Variants in NHLRC2 observed in about 807,000 individuals in gnomAD.
NHLRC2 encodes the protein NHL repeat containing 2, also known as NHL repeat-containing protein 2.
NHLRC2 carries 33 observed loss-of-function variants against 68.1 expected under a neutral mutation model. That is an observed-to-expected ratio of 0.48 (90% CI 0.37 to 0.65). The LOEUF is 0.65. NHLRC2 is among the 30% of genes least tolerant of loss of function. The pLI is 0.00. For synonymous variants in NHLRC2, 311 were observed against 309.6 expected (o/e 1.00, Z -0.05); for missense variants, 761 against 853.8 (o/e 0.89, Z 1.35).
chr10:113,864,314 A>G (rs76894988), intron 2 of NHLRC2, among the ~76,000 whole-genome samples: 2,926 of 152,248 alleles, frequency 0.019, 89 homozygotes, highest in African/African-American at 0.066. Flanking sequence ...GAGGATGGCA[A>G]TGGTCGCACA....
At chr10:113,881,256 T>G (rs750401743) in intron 4 of NHLRC2, among the ~76,000 whole-genome samples, 1 of 151,808 alleles carries the variant, frequency 6.6e-6, no homozygotes, top group Non-Finnish European at 1.5e-5. Flanking sequence ...TTTCTCTTGC[T>G]TTACAACTTA....
Position 113,908,737 on chromosome 10 carries a change from T to G in NHLRC2, c.*201T>G. The G allele has an allele frequency of 1.7e-6, 1 of 581,016 alleles. No individual in the cohort carries two copies. Among genetic ancestry groups the G allele is most frequent in the Non-Finnish European group, 3.0e-6 (1 of 328,966 alleles). 36.0% of individuals were successfully genotyped at this position (581,016 alleles called of 1,614,324 possible). A position where few individuals can be genotyped will look rare whatever the true frequency, so the allele number is the denominator to read the frequency against. Reference sequence around the variant, plus strand: ...AAACAAATTCCTTTGCTTTGGCTGATACTAGCTGAGTCATTGATCATCATT... The same window carrying G: ...AAACAAATTCCTTTGCTTTGGCTGAGACTAGCTGAGTCATTGATCATCATT... On this transcript the variant is annotated 3_prime_UTR_variant, in exon 11 of 11. Transcript: ENST00000369301.
Position 113,909,849 on chromosome 10 carries a change from G to A in NHLRC2, c.*1313G>A, listed in dbSNP as rs906150743. On this transcript the variant is annotated 3_prime_UTR_variant, in exon 11 of 11. Transcript: ENST00000369301. ...TCAGTAAATATTTATAGACAATATG[G>A]CATAATATGCTTCCCTTCCCTGTAA... 3 of 152,090 alleles carry A rather than the reference G, an allele frequency of 2.0e-5. No individual in the cohort carries two copies. Among genetic ancestry groups the A allele is most frequent in the Non-Finnish European group, 4.4e-5 (3 of 68,006 alleles). 9.4% of individuals were successfully genotyped at this position (152,090 alleles called of 1,614,324 possible).
At chr10:113,865,897 G>A (rs941992039) in intron 2 of NHLRC2, among the ~76,000 whole-genome samples, 3 of 152,040 alleles carry the variant, frequency 2.0e-5, no homozygotes, top group Non-Finnish European at 2.9e-5. Flanking sequence ...TTGCTTTTTT[G>A]TAGTTAAATA....
rs891548108 is a variant in NHLRC2, at chr10:113,911,616, A to T, written c.*3080A>T. Reference sequence around the variant, plus strand: ...AGTTACTCTTTGCTTGTTTTTCTGTAGTTGGAAAATTTAGGAAGTTATTAA... The same window carrying T: ...AGTTACTCTTTGCTTGTTTTTCTGTTGTTGGAAAATTTAGGAAGTTATTAA... On this transcript the variant is annotated 3_prime_UTR_variant, in exon 11 of 11. Transcript: ENST00000369301. 1 of 152,062 alleles carries T rather than the reference A, an allele frequency of 6.6e-6. No individual in the cohort carries two copies. The highest frequency in any genetic ancestry group is 2.4e-5 in the African/African-American group (1 of 41,432). 9.4% of individuals were successfully genotyped at this position (152,062 alleles called of 1,614,324 possible). A position where few individuals can be genotyped will look rare whatever the true frequency, so the allele number is the denominator to read the frequency against.
At position 113,876,741 on chromosome 10, in the gene NHLRC2, A is replaced by G; in HGVS notation, c.552A>G (p.Lys184=). Residue 184 remains lysine, a synonymous_variant, in exon 3 of 11, where the codon AAA becomes AAG. Coordinates refer to ENST00000369301, the MANE Select transcript of NHLRC2 (RefSeq NM_198514.4). ...TTTCTTTGATTGGAGAGGGACACAA[A>G]GATAAATTATTTTTATATACTTCAA... is the stretch of plus-strand genomic sequence containing the variant. ...MLFSLIGEGH[K]DKLFLYTSIA... 6.2e-7 allele frequency: 1 copy of G among 1,613,062 alleles called. No homozygotes were observed. Among genetic ancestry groups the G allele is most frequent in the Non-Finnish European group, 8.5e-7 (1 of 1,179,112 alleles).
rs1011420153 is a variant in NHLRC2 at position 113,908,597 on chromosome 10, G to T, written c.*61G>T. ...ACTGTCTCCCATCCTGACTATCACT[G>T]TAATTTAAGGAAAGAAAACTTCAGT... On this transcript the variant is annotated 3_prime_UTR_variant, in exon 11 of 11. Coordinates refer to ENST00000369301, the MANE Select transcript of NHLRC2 (RefSeq NM_198514.4). 1.3e-6 allele frequency: 2 copies of T among 1,558,702 alleles called. No individual in the cohort carries two copies. Among genetic ancestry groups the T allele is most frequent in the Non-Finnish European group, 8.8e-7 (1 of 1,138,360 alleles).
intron 5 of NHLRC2, among the ~76,000 whole-genome samples, chr10:113,897,711 C>T (rs1357769332): frequency 1.3e-5 from 2 of 152,164 alleles, no homozygotes; most frequent in African/African-American, 4.8e-5. Context: ...GGTGATTAAG[C>T]AGAGACAGTC....
Position 113,912,823 on chromosome 10 carries a change from G to C in NHLRC2, c.*4287G>C, listed in dbSNP as rs1846342036. On this transcript the variant is annotated 3_prime_UTR_variant, in exon 11 of 11. Transcript: ENST00000369301. Reference sequence around the variant, plus strand: ...CCTGAAGTGGTGCCTGGCGCCAGCAGATGTTCACTTCTGTCAAACAAGGGG... The same window carrying C: ...CCTGAAGTGGTGCCTGGCGCCAGCACATGTTCACTTCTGTCAAACAAGGGG... 6.6e-6 allele frequency: 1 copy of C among 152,206 alleles called. No homozygotes were observed. The highest frequency in any genetic ancestry group is 1.5e-5 in the Non-Finnish European group (1 of 68,054). The allele number at this position is 152,206 out of a possible 1,614,324, so 9.4% of individuals were successfully genotyped here.
In NHLRC2 at chr10:113,902,540, A is replaced by G; in HGVS notation, c.1441A>G (p.Thr481Ala). 1.2e-6 allele frequency: 2 copies of G among 1,607,782 alleles called. No individual in the cohort carries two copies. Among genetic ancestry groups the G allele is most frequent in the African/African-American group, 2.7e-5 (2 of 74,746 alleles). Residue 481 changes from threonine (T) to alanine (A), a missense_variant, in exon 8 of 11, where the codon ACA (threonine) becomes GCA (alanine). Physicochemically the swap from Thr to Ala is moderately conservative, Grantham distance 58. Transcript: ENST00000369301. ...AAAGCTTCAACACCCCCTTGGAGTAACATGGGACAAAAAAAGGAATTTACT... is the reference window on the plus strand; with the variant it reads ...AAAGCTTCAACACCCCCTTGGAGTAGCATGGGACAAAAAAAGGAATTTACT... ...NAKLQHPLGVTWDKKRNLLYV... is the reference protein window; with the variant it reads ...NAKLQHPLGVAWDKKRNLLYV...
At chr10:113,903,907 C>G (rs922851867) in intron 9 of NHLRC2, among the ~76,000 whole-genome samples, 171 bp downstream of exon 9, 4 of 151,718 alleles carry the variant, frequency 2.6e-5, no homozygotes, top group Admixed American at 2.6e-4. Context: ...TAAGGATATC[C>G]TTTTATTCTT....
chr10:113,868,376 TA>T (rs1845889914), intron 2 of NHLRC2, among the ~76,000 whole-genome samples: 1 of 152,220 alleles, frequency 6.6e-6, no homozygotes, highest in East Asian at 1.9e-4. Flanking sequence ...CAGAATCTTT[TA>T]CATCCGCTTT....
chr10:113,884,248 T>C lies in NHLRC2; in HGVS notation c.910-3T>C, dbSNP rs1846061008. 1 of 1,605,794 alleles carries C rather than the reference T, an allele frequency of 6.2e-7. No individual in the cohort carries two copies. The highest frequency in any genetic ancestry group is 8.5e-7 in the Non-Finnish European group (1 of 1,175,264). Reference sequence around the variant, plus strand: ...CATAAAACCATCCTTTGAATTTCTATAGATTGACCTAGAAGCTGAGAAGGT... The same window carrying C: ...CATAAAACCATCCTTTGAATTTCTACAGATTGACCTAGAAGCTGAGAAGGT... On this transcript the variant is annotated splice_region_variant and splice_polypyrimidine_tract_variant and intron_variant, in intron 4 of 10. Transcript: ENST00000369301.
chr10:113,874,215 T>C (rs1050483836), intron 2 of NHLRC2, among the ~76,000 whole-genome samples: 4 of 152,238 alleles, frequency 2.6e-5, no homozygotes, highest in East Asian at 1.9e-4. Context: ...CTAGGTACTA[T>C]GCTAAATGCC....
chr10:113,899,920 A>C (rs1336807681), intron 6 of NHLRC2, among the ~76,000 whole-genome samples: 1 of 152,088 alleles, frequency 6.6e-6, no homozygotes, highest in African/African-American at 2.4e-5. Flanking sequence ...CTCCGTTTAA[A>C]AAAAAAAAAA....
At chr10:113,863,199 C>T (rs893954954) in intron 2 of NHLRC2, among the ~76,000 whole-genome samples, 1 of 152,100 alleles carries the variant, frequency 6.6e-6, no homozygotes, top group Non-Finnish European at 1.5e-5. Context: ...GGGACATTTT[C>T]CAGGATAGAC....
Position 113,896,215 on chromosome 10 carries a change from G to T in NHLRC2, c.1040-1895G>T, listed in dbSNP as rs574196176. On this transcript the variant is annotated intron_variant, in intron 5 of 10. Coordinates refer to ENST00000369301, the MANE Select transcript of NHLRC2 (RefSeq NM_198514.4). ...CATGCTACTATAAAGACACATGCAC[G>T]TGTATGTTTATTGCGGCATTATTCA... 2.4e-3 allele frequency among the ~76,000 whole-genome samples: 361 copies of T among 152,124 alleles called. 1 individual carries two copies. Among genetic ancestry groups the T allele is most frequent in the African/African-American group, 7.9e-3 (328 of 41,502 alleles).
intron 6 of NHLRC2, among the ~76,000 whole-genome samples, chr10:113,899,310 G>A (rs1846207813): frequency 6.6e-6 from 1 of 152,174 alleles, no homozygotes; most frequent in African/African-American, 2.4e-5. Context: ...TAACCGGAAA[G>A]GCTGTCACGT....
chr10:113,902,360 C>T, intron 7 of NHLRC2, 111 bp from the exon 8 acceptor site: 2 of 691,202 alleles, frequency 2.9e-6, no homozygotes, highest in Non-Finnish European at 4.8e-6. Context: ...CAGCATTTTC[C>T]CTTTTAACTT....
Sources: gnomAD v4.1 joint callset for allele counts (sites outside exome capture counted in the v4.1 genomes callset) on GRCh38, gnomAD v4.1.1 for gene constraint, MANE v1.5 for transcripts, NCBI Gene and HGNC (gene_info 2026-07-23, HGNC 2026-07-21) for gene names.